The following CSMD1 variants were observed in gnomAD, a reference collection of about 807,000 sequenced individuals.
CSMD1 encodes the protein CUB and Sushi multiple domains 1.
A neutral mutation model predicts 417.5 loss-of-function variants in CSMD1; 213 were observed. The observed-to-expected ratio is 0.51, with a 90% confidence interval of 0.46 to 0.57. CSMD1 has a LOEUF of 0.57. Ranked by LOEUF, CSMD1 falls within the 20% of genes least tolerant of loss-of-function variation. The pLI, the probability that CSMD1 is intolerant of heterozygous loss-of-function variation, is 0.00. For synonymous variants in CSMD1, 2,862 were observed against 1,736.8 expected (o/e 1.65, Z -16.11); for missense variants, 6,923 against 4,529.7 (o/e 1.53, Z -15.17).
intron 49 of CSMD1, among the ~76,000 whole-genome samples, chr8:3,074,367 A>G (rs1469831339): frequency 6.6e-6 from 1 of 152,126 alleles, no homozygotes; most frequent in Non-Finnish European, 1.5e-5. Flanking sequence ...ACATAACGCA[A>G]TCACGGGAGG....
intron 2 of CSMD1, among the ~76,000 whole-genome samples, chr8:4,556,846 T>G (rs905097439): frequency 5.3e-5 from 8 of 152,212 alleles, no homozygotes; most frequent in African/African-American, 1.9e-4. Context: ...GGATTTGGGA[T>G]GTGTAACTAA....
At chr8:4,225,498 C>A (rs959351894) in intron 3 of CSMD1, among the ~76,000 whole-genome samples, 1 of 116,854 alleles carries the variant, frequency 8.6e-6, no homozygotes, top group African/African-American at 3.1e-5. Context: ...TAAAGCAACT[C>A]ATCACTTTTT....
Position 3,189,987 on chromosome 8 carries a change from C to T in CSMD1, c.5323G>A (p.Gly1775Ser). Residue 1775 changes from glycine to serine, a missense_variant, in exon 34 of 70, where the codon GGT becomes AGT. Physicochemically the swap from Gly to Ser is moderately conservative, Grantham distance 56. Coordinates refer to ENST00000635120, the MANE Select transcript of CSMD1 (RefSeq NM_033225.6). Reference protein sequence around the residue: ...FECNPGYLLQGSTALHCQSVP... With the variant: ...FECNPGYLLQSSTALHCQSVP... ...GACTGGCAGTGGAGCGCCGTGGAAC[C>T]CTGAAGCAGGTATCCCGGGTTGCAC... 6.3e-7 allele frequency: 1 copy of T among 1,599,450 alleles called. No homozygotes were observed. Among genetic ancestry groups the T allele is most frequent in the Non-Finnish European group, 8.5e-7 (1 of 1,173,322 alleles).
intron 2 of CSMD1, among the ~76,000 whole-genome samples, chr8:4,436,726 T>A (rs2129638851): frequency 6.6e-6 from 1 of 152,258 alleles, no homozygotes; most frequent in African/African-American, 2.4e-5. Context: ...TCCATGAGTT[T>A]AATTGTTTTG....
intron 3 of CSMD1, among the ~76,000 whole-genome samples, chr8:4,102,087 T>G (rs565489617): frequency 1.3e-5 from 2 of 152,302 alleles, no homozygotes; most frequent in East Asian, 3.9e-4. Flanking sequence ...CTGCACTAAT[T>G]TCTGAAGTAA....
chr8:3,724,329 C>G (rs1194728205), intron 6 of CSMD1, among the ~76,000 whole-genome samples: 2 of 151,924 alleles, frequency 1.3e-5, no homozygotes, highest in African/African-American at 4.8e-5. Flanking sequence ...GGTATATCTC[C>G]CAATGCTATC....
intron 5 of CSMD1, among the ~76,000 whole-genome samples, chr8:3,829,287 T>G (rs1802236204): frequency 6.6e-6 from 1 of 152,158 alleles, no homozygotes; most frequent in Non-Finnish European, 1.5e-5. Context: ...TGTTTGGTTT[T>G]CCATTCCTGA....
intron 42 of CSMD1, among the ~76,000 whole-genome samples, chr8:3,115,547 A>G (rs1816817149): frequency 6.6e-6 from 1 of 152,136 alleles, no homozygotes; most frequent in Non-Finnish European, 1.5e-5. Context: ...ACTTCTGTGT[A>G]ATTATGTTAC....
At chr8:4,340,840 G>A (rs1276980002) in intron 3 of CSMD1, among the ~76,000 whole-genome samples, 1 of 151,902 alleles carries the variant, frequency 6.6e-6, no homozygotes, top group Non-Finnish European at 1.5e-5. Context: ...CAATTATTTG[G>A]TTGCTAATTA....
At position 4,471,566 on chromosome 8, in the gene CSMD1, G is replaced by A. The variant is rs1345796472; in HGVS notation, c.303-51501C>T. On this transcript the variant is annotated intron_variant, in intron 2 of 69. Coordinates refer to ENST00000635120, the MANE Select transcript of CSMD1 (RefSeq NM_033225.6). The stretch of plus-strand genomic sequence containing the variant: ...GAACCAGTGCATGGTGTTTAATAAC[G>A]AAGGCCCGTTTTAGAGAGAGGTGCA... Among the ~76,000 whole-genome samples, 3 of 152,100 alleles carry A rather than the reference G, an allele frequency of 2.0e-5. No individual in the cohort carries two copies. The South Asian group carries it at 6.2e-4, about 32-fold the overall frequency.
At chr8:4,320,872 C>T (rs568106133) in intron 3 of CSMD1, among the ~76,000 whole-genome samples, 1 of 152,144 alleles carries the variant, frequency 6.6e-6, no homozygotes, top group Non-Finnish European at 1.5e-5. Flanking sequence ...TATAAAGACA[C>T]AAACACACTT....
intron 10 of CSMD1, among the ~76,000 whole-genome samples, chr8:3,560,303 G>A (rs746570587): frequency 2.0e-5 from 3 of 152,238 alleles, no homozygotes; most frequent in African/African-American, 2.4e-5. Flanking sequence ...ATTTCTCTGA[G>A]AAACACAGAA....
At chr8:4,131,475 T>C (rs1231710308) in intron 3 of CSMD1, among the ~76,000 whole-genome samples, 4 of 152,184 alleles carry the variant, frequency 2.6e-5, no homozygotes, top group Non-Finnish European at 5.9e-5. Context: ...AAAATAAAAG[T>C]TTGAAACCAA....
chr8:3,301,791 T>A (rs1030881070), intron 25 of CSMD1, among the ~76,000 whole-genome samples: 1 of 151,936 alleles, frequency 6.6e-6, no homozygotes, highest in South Asian at 2.1e-4. Flanking sequence ...TTTGAGAGAT[T>A]GGAGAGAATA....
intron 7 of CSMD1, among the ~76,000 whole-genome samples, chr8:3,695,175 G>A (rs569459974): frequency 2.2e-4 from 33 of 151,344 alleles, no homozygotes; most frequent in African/African-American, 7.3e-4. Flanking sequence ...ATATTTCCAA[G>A]GACCTCGAAG....
intron 1 of CSMD1, among the ~76,000 whole-genome samples, chr8:4,956,780 A>C (rs1396003266): frequency 1.3e-5 from 2 of 152,132 alleles, no homozygotes; most frequent in Non-Finnish European, 2.9e-5. Flanking sequence ...AAACAGGACA[A>C]GTTCACCTTC....
chr8:4,652,075 T>G (rs1803932071), intron 1 of CSMD1, among the ~76,000 whole-genome samples: 1 of 152,172 alleles, frequency 6.6e-6, no homozygotes, highest in African/African-American at 2.4e-5. Flanking sequence ...ACTTGAATTG[T>G]CAAATCTTTA....
intron 25 of CSMD1, among the ~76,000 whole-genome samples, chr8:3,303,496 G>A (rs983158239): frequency 6.6e-6 from 1 of 152,158 alleles, no homozygotes; most frequent in African/African-American, 2.4e-5. Context: ...TGCGTCCAAT[G>A]TTTTTCATAC....
intron 5 of CSMD1, among the ~76,000 whole-genome samples, chr8:3,777,400 A>C (rs1303477515): frequency 6.6e-6 from 1 of 152,004 alleles, no homozygotes; most frequent in Non-Finnish European, 1.5e-5. Context: ...GGCCCCCTCC[A>C]CTGCTCTTGC....
Sources: gnomAD v4.1 joint callset for allele counts (sites outside exome capture counted in the v4.1 genomes callset) on GRCh38, gnomAD v4.1.1 for gene constraint, MANE v1.5 for transcripts, NCBI Gene and HGNC (gene_info 2026-07-23, HGNC 2026-07-21) for gene names.